RCAN1: variants seen among roughly 807,000 people sequenced by gnomAD.
RCAN1 encodes the protein regulator of calcineurin 1, also known as calcipressin-1.
RCAN1 carries 11 observed loss-of-function variants against 22.9 expected under a neutral mutation model. That is an observed-to-expected ratio of 0.48 (90% CI 0.30 to 0.79). The LOEUF (loss-of-function observed/expected upper bound fraction) is 0.79. Among genes scored for constraint, RCAN1 ranks in the 30% least tolerant of loss-of-function variants. RCAN1 has a pLI of 0.06. For synonymous variants in RCAN1, 136 were observed against 142.3 expected, an observed-to-expected ratio of 0.96 and a Z score of 0.32; for missense variants, 291 against 337.8, an observed-to-expected ratio of 0.86 and a Z score of 1.09.
intron 1 of RCAN1, among the ~76,000 whole-genome samples, chr21:34,550,213 A>G (rs1568902469): frequency 1.3e-5 from 2 of 152,244 alleles, no homozygotes; most frequent in Admixed American, 1.3e-4. Context: ...TCATCTCCCA[A>G]TGAAGATGAA....
chr21:34,615,030 C>A lies in RCAN1; in HGVS notation c.-19G>T. 1 of 1,040,534 alleles carries A rather than the reference C, an allele frequency of 9.6e-7. No individual in the cohort carries two copies. Among genetic ancestry groups the A allele is most frequent in the South Asian group, 4.4e-5 (1 of 22,648 alleles). 64.5% of individuals were successfully genotyped at this position (1,040,534 alleles called of 1,614,324 possible). A position where few individuals can be genotyped will look rare whatever the true frequency, so the allele number is the denominator to read the frequency against. ...CCTCCATCCCCGCGCCCGCGCGACC[C>A]TGTGCGCCCCAGCGGGCTGCTCCGG... is the stretch of plus-strand genomic sequence containing the variant. On this transcript the variant is annotated 5_prime_UTR_variant, in exon 1 of 4. The change creates a new upstream start codon in the 5' untranslated region. Transcript: ENST00000313806.
chr21:34,562,058 C>T (rs1447277150), intron 1 of RCAN1, among the ~76,000 whole-genome samples: 1 of 152,206 alleles, frequency 6.6e-6, no homozygotes, highest in Non-Finnish European at 1.5e-5. Context: ...TGGGGCACTC[C>T]CAGATCTGCC....
At chr21:34,580,788 C>T (rs1987577988) in intron 1 of RCAN1, among the ~76,000 whole-genome samples, 1 of 152,216 alleles carries the variant, frequency 6.6e-6, no homozygotes, top group South Asian at 2.1e-4. Context: ...CTGGCTGGTG[C>T]TTGCACGAAG....
chr21:34,563,794 T>TATATATAGAGAGAGAG (rs765741781), intron 1 of RCAN1, among the ~76,000 whole-genome samples: 1 of 48,722 alleles, frequency 2.1e-5, no homozygotes, highest in African/African-American at 8.4e-5. Flanking sequence ...TATATATATA[T>TATATATAGAGAGAGAG]AGAGAGAGAG....
intron 1 of RCAN1, among the ~76,000 whole-genome samples, chr21:34,573,879 T>C (rs1987319105): frequency 6.6e-6 from 1 of 152,226 alleles, no homozygotes; most frequent in African/African-American, 2.4e-5. Context: ...ATTGCTTTTC[T>C]AATTAGAAAA....
In RCAN1 at chr21:34,523,677, T is replaced by C. The variant is rs749347040; in HGVS notation, c.286A>G (p.Lys96Glu). ...KFESLFRTYD[K>E]DITFQYFKSF... is the part of the protein sequence containing the mutation. ...TTAAAATACTGAAAGGTGATGTCCT[T>C]GTCATACGTCCTAAAGAGGGACTCA... Residue 96 changes from lysine to glutamate, a missense_variant, in exon 2 of 4, where the codon AAG becomes GAG. By Grantham distance (56) the Lys-to-Glu change is moderately conservative (BLOSUM62 1). Coordinates refer to ENST00000313806, the MANE Select transcript of RCAN1 (RefSeq NM_004414.7). 3 of 1,614,048 alleles carry C rather than the reference T, an allele frequency of 1.9e-6. No individual in the cohort carries two copies. In the East Asian group the frequency reaches 6.7e-5, roughly 36 times the overall value.
intron 1 of RCAN1, among the ~76,000 whole-genome samples, chr21:34,575,096 A>T (rs1302873248): frequency 6.6e-6 from 1 of 152,232 alleles, no homozygotes; most frequent in Non-Finnish European, 1.5e-5. Flanking sequence ...GTTCATCTAC[A>T]TCAAATGTTT....
At chr21:34,593,006 G>A (rs552441420) in intron 1 of RCAN1, among the ~76,000 whole-genome samples, 14 of 152,180 alleles carry the variant, frequency 9.2e-5, no homozygotes, top group Non-Finnish European at 1.6e-4. Flanking sequence ...TGAGGACAGT[G>A]GTTATGTGTC....
intron 1 of RCAN1, among the ~76,000 whole-genome samples, chr21:34,613,611 G>A (rs945598077): frequency 6.6e-6 from 1 of 152,224 alleles, no homozygotes; most frequent in African/African-American, 2.4e-5. Flanking sequence ...ATGCTGGCTA[G>A]CGCTTAGTTT....
chr21:34,562,519 T>C (rs557607838), intron 1 of RCAN1, among the ~76,000 whole-genome samples: 1 of 152,272 alleles, frequency 6.6e-6, no homozygotes, highest in Admixed American at 6.5e-5. Flanking sequence ...CAGTCCCTCT[T>C]CCCAAGGTGC....
intron 1 of RCAN1, among the ~76,000 whole-genome samples, chr21:34,610,579 A>G (rs1988659663): frequency 6.6e-6 from 1 of 152,210 alleles, no homozygotes; most frequent in Non-Finnish European, 1.5e-5. Flanking sequence ...TTAAGATATA[A>G]CGATGCCTCT....
Position 34,614,707 on chromosome 21 carries a change from G to T in RCAN1, c.252+53C>A, listed in dbSNP as rs1379117137. On this transcript the variant is annotated intron_variant, in intron 1 of 3. Transcript: ENST00000313806. This position sits in a 1 kb window ranked among gnomAD's most constrained non-coding sequence, Gnocchi z 6.0. ...GCGCTGCGACCCGCGCCGCCTCCTC[G>T]GGCAACAAGTGTCCGCCCTCCGCCC... The T allele has an allele frequency of 4.5e-6, 6 of 1,333,588 alleles. No individual in the cohort carries two copies. Among genetic ancestry groups the T allele is most frequent in the African/African-American group, 1.6e-5 (1 of 63,942 alleles). The allele number at this position is 1,333,588 out of a possible 1,614,324, so 82.6% of individuals were successfully genotyped here.
chr21:34,605,739 G>C (rs149982176), intron 1 of RCAN1, among the ~76,000 whole-genome samples: 1 of 151,870 alleles, frequency 6.6e-6, no homozygotes, highest in Non-Finnish European at 1.5e-5. Context: ...GGCCAACATG[G>C]TGAAACCCTG....
rs138811822 is a variant in RCAN1 at position 34,521,819 on chromosome 21, G to A, written c.427-161C>T. 695 of 621,886 alleles carry A rather than the reference G, an allele frequency of 1.1e-3. 7 individuals are homozygous for A. In the Admixed American group the frequency reaches 0.012, roughly 10 times the overall value. The allele number at this position is 621,886 out of a possible 1,614,324, so 38.5% of individuals were successfully genotyped here. A position where few individuals can be genotyped will look rare whatever the true frequency, so the allele number is the denominator to read the frequency against. On this transcript the variant is annotated intron_variant, in intron 2 of 3. Coordinates refer to ENST00000313806, the MANE Select transcript of RCAN1 (RefSeq NM_004414.7). ...TGTAAGATGGTCTGTAATGGGGAGG[G>A]CAAAAGGACATATGAACTCTGGTTG... is the stretch of plus-strand genomic sequence containing the variant.
rs139533563 is a variant in RCAN1, at chr21:34,572,863, T to C, written c.252+41897A>G. ...TCACATGACAGCAGGAGAGAGACAGTGAAAGGGGAGATGCTATACACTCTT... is the reference window on the plus strand; with the variant it reads ...TCACATGACAGCAGGAGAGAGACAGCGAAAGGGGAGATGCTATACACTCTT... On this transcript the variant is annotated intron_variant, in intron 1 of 3. Coordinates refer to ENST00000313806, the MANE Select transcript of RCAN1 (RefSeq NM_004414.7). Among the ~76,000 whole-genome samples, 93 of 151,904 alleles carry C rather than the reference T, an allele frequency of 6.1e-4. 1 individual carries two copies. Among genetic ancestry groups the C allele is most frequent in the African/African-American group, 1.9e-3 (80 of 41,382 alleles).
chr21:34,590,435 G>A (rs1457669991), intron 1 of RCAN1, among the ~76,000 whole-genome samples: 1 of 152,158 alleles, frequency 6.6e-6, no homozygotes, highest in Non-Finnish European at 1.5e-5. Context: ...TATATAATGA[G>A]CACACCTCAT....
chr21:34,521,886 G>A (rs1984587874), intron 2 of RCAN1: 2 of 534,986 alleles, frequency 3.7e-6, no homozygotes, highest in Non-Finnish European at 6.6e-6. Context: ...GGCTATGGGA[G>A]TCACAGGCAC....
chr21:34,611,028 G>A (rs1436678099), intron 1 of RCAN1, among the ~76,000 whole-genome samples: 1 of 152,064 alleles, frequency 6.6e-6, no homozygotes, highest in Non-Finnish European at 1.5e-5. Flanking sequence ...ACTGAAAAAA[G>A]GGTATTTGTT....
chr21:34,563,644 C>G (rs1986874618), intron 1 of RCAN1, among the ~76,000 whole-genome samples: 1 of 151,134 alleles, frequency 6.6e-6, no homozygotes, highest in Admixed American at 6.6e-5. Flanking sequence ...CACGGTGGCT[C>G]ATGTCTGTAA....
Sources: gnomAD v4.1 joint callset for allele counts (sites outside exome capture counted in the v4.1 genomes callset) on GRCh38, gnomAD v4.1.1 for gene constraint, Gnocchi (gnomAD v3.1) non-coding constraint, MANE v1.5 for transcripts, NCBI Gene and HGNC (gene_info 2026-07-23, HGNC 2026-07-21) for gene names.